The following NOXRED1 variants were observed in gnomAD, a reference collection of about 807,000 sequenced individuals.
NOXRED1 encodes the protein NADP-dependent oxidoreductase domain-containing protein 1.
NOXRED1 carries 20 observed loss-of-function variants against 30.4 expected under a neutral mutation model. The ratio of observed to expected loss-of-function variants is 0.66; its 90% CI spans 0.46 to 0.96. NOXRED1 has a LOEUF of 0.96. Ranked by LOEUF, NOXRED1 falls within the 40% of genes least tolerant of loss-of-function variation. The pLI, the probability that NOXRED1 is intolerant of heterozygous loss-of-function variation, is 0.00. For missense variants in NOXRED1, 374 were observed against 428.0 expected, an observed-to-expected ratio of 0.87 and a Z score of 1.11; for synonymous variants, 155 against 168.0, an observed-to-expected ratio of 0.92 and a Z score of 0.60.
intron 1 of NOXRED1, 146 bp downstream of exon 1, chr14:77,422,589 C>T (rs1021293514): frequency 1.3e-6 from 1 of 770,684 alleles, no homozygotes; most frequent in East Asian, 2.4e-5. Flanking sequence ...TCCTTTTAGA[C>T]CAGGAGTCAT....
At chr14:77,403,650 C>T (rs892443152) in intron 5 of NOXRED1, among the ~76,000 whole-genome samples, 6 of 151,738 alleles carry the variant, frequency 4.0e-5, no homozygotes, top group Non-Finnish European at 5.9e-5. Flanking sequence ...AGAGTAAGAC[C>T]CTCTATCAAA....
chr14:77,398,350 T>C (rs1894239712), intron 5 of NOXRED1, among the ~76,000 whole-genome samples: 1 of 152,218 alleles, frequency 6.6e-6, no homozygotes, highest in African/African-American at 2.4e-5. Context: ...TTTTGAAATA[T>C]GGCAGAGCAT....
rs371769717 is a variant in NOXRED1, at chr14:77,422,788, C to A, written c.102G>T (p.Met34Ile). The A allele has an allele frequency of 4.5e-5, 73 of 1,614,034 alleles. No homozygotes were observed. Among genetic ancestry groups the A allele is most frequent in the Non-Finnish European group, 5.9e-5 (70 of 1,179,996 alleles). Residue 34 changes from methionine to isoleucine, a missense_variant, in exon 1 of 6, where the codon ATG becomes ATT. Transcript: ENST00000380835. ...LYLQGRSRGL[M>I]IEACAHATFF... ...AGGTTGCATGGGCACAAGCCTCGAT[C>A]ATCAGTCCCCGAGAACGGCCCTGCA...
Position 77,409,523 on chromosome 14 carries a change from T to C in NOXRED1, c.350-1878A>G, listed in dbSNP as rs140699905. On this transcript the variant is annotated intron_variant, in intron 2 of 5. Coordinates refer to ENST00000380835, the MANE Select transcript of NOXRED1 (RefSeq NM_001113475.3). ...CCTCTTTTGTTTATAAATTACCCAG[T>C]CTCAGACAGTATCTTTATAGCAGTG... Among the ~76,000 whole-genome samples, 577 of 152,224 alleles carry C rather than the reference T, an allele frequency of 3.8e-3. 3 individuals are homozygous for C. Among genetic ancestry groups the C allele is most frequent in the African/African-American group, 0.013 (551 of 41,536 alleles).
At chr14:77,422,624 A>T (rs920990286) in intron 1 of NOXRED1, 111 bp downstream of exon 1, 5 of 1,042,364 alleles carry the variant, frequency 4.8e-6, no homozygotes, top group Non-Finnish European at 7.4e-6. Flanking sequence ...AAAAGATAGG[A>T]TGACAATCCA....
chr14:77,424,170 C>A (rs577171022), upstream of NOXRED1, among the ~76,000 whole-genome samples: 1 of 152,148 alleles, frequency 6.6e-6, no homozygotes, highest in South Asian at 2.1e-4. Flanking sequence ...CAAAGTCTCA[C>A]CCTGGCGTGG....
intron 1 of NOXRED1, among the ~76,000 whole-genome samples, chr14:77,419,142 G>C (rs58764557): frequency 6.7e-6 from 1 of 149,902 alleles, no homozygotes; most frequent in African/African-American, 2.5e-5. Context: ...TGCAATCTCA[G>C]ATCACTGCAA....
intron 5 of NOXRED1, 97 bp downstream of exon 5, chr14:77,405,816 A>G: frequency 1.4e-6 from 1 of 718,226 alleles, no homozygotes. Flanking sequence ...ATTTTTATCA[A>G]TGTTTAAAGA....
intron 5 of NOXRED1, among the ~76,000 whole-genome samples, chr14:77,403,273 T>A (rs1056340135): frequency 8.5e-5 from 13 of 152,074 alleles, no homozygotes; most frequent in Admixed American, 2.0e-4. Context: ...ATGGAAATTT[T>A]AAAACAAAAT....
intron 5 of NOXRED1, among the ~76,000 whole-genome samples, chr14:77,405,680 A>G (rs559938932): frequency 1.3e-5 from 2 of 152,366 alleles, no homozygotes; most frequent in East Asian, 3.9e-4. Flanking sequence ...ATAACAATAT[A>G]AATGTTTGTA....
rs764559169 is a variant in NOXRED1, at chr14:77,407,613, A to T, written c.382T>A (p.Tyr128Asn). The T allele has an allele frequency of 1.9e-6, 3 of 1,614,144 alleles. No individual in the cohort carries two copies. Among genetic ancestry groups the T allele is most frequent in the South Asian group, 2.2e-5 (2 of 91,088 alleles). ...ELQKLGIKCF[Y>N]HNADLVSWAD... is the part of the protein sequence containing the mutation. ...CAACTCACCAGATCAGCGTTATGGT[A>T]AAAGCATTTGATTCCCAGCTTCTGG... The change falls in exon 3 of 6, where the codon TAC (tyrosine) becomes AAC (asparagine). Residue 128 changes from tyrosine (Y) to asparagine (N), a missense_variant. By Grantham distance (143) the Tyr-to-Asn change is moderately radical. Coordinates refer to ENST00000380835, the MANE Select transcript of NOXRED1 (RefSeq NM_001113475.3).
chr14:77,412,536 A>G (rs939784591), intron 2 of NOXRED1, among the ~76,000 whole-genome samples: 6 of 152,106 alleles, frequency 3.9e-5, no homozygotes, highest in African/African-American at 1.4e-4. Context: ...TAATTGAGAC[A>G]GAGTCTTACT....
At chr14:77,413,323 C>T (rs1199819628) in intron 2 of NOXRED1, among the ~76,000 whole-genome samples, 1 of 150,850 alleles carries the variant, frequency 6.6e-6, no homozygotes, top group African/African-American at 2.4e-5. Context: ...ACTGCAACCT[C>T]TGCCTCCTGG....
intron 5 of NOXRED1, among the ~76,000 whole-genome samples, chr14:77,402,155 G>GA (rs960098529): frequency 5.3e-5 from 8 of 152,086 alleles, no homozygotes; most frequent in Admixed American, 3.3e-4. Flanking sequence ...CATGATCCAT[G>GA]AAAAAAACAA....
chr14:77,401,371 C>CA (rs199750683), intron 5 of NOXRED1, among the ~76,000 whole-genome samples: 2,926 of 141,892 alleles, frequency 0.021, 87 homozygotes, highest in African/African-American at 0.07. Flanking sequence ...GACTCCACCT[C>CA]AAAAAAAAAA....
At position 77,423,204 on chromosome 14, in the gene NOXRED1, G is replaced by T; in HGVS notation, c.-315C>A. On this transcript the variant is annotated 5_prime_UTR_variant, in exon 1 of 6. Transcript: ENST00000380835. ...CACACAGGTTACAGGCACTGTTTTC[G>T]GCAGATGAATTTACAACAGCAATTG... 1 of 266,184 alleles carries T rather than the reference G, an allele frequency of 3.8e-6. No individual in the cohort carries two copies. The highest frequency in any genetic ancestry group is 7.1e-6 in the Non-Finnish European group (1 of 141,030). 16.5% of individuals were successfully genotyped at this position (266,184 alleles called of 1,614,324 possible).
chr14:77,404,196 T>C (rs1333063632), intron 5 of NOXRED1, among the ~76,000 whole-genome samples: 1 of 152,182 alleles, frequency 6.6e-6, no homozygotes, highest in Non-Finnish European at 1.5e-5. Context: ...AAACAAGAGA[T>C]GTTTCCATGA....
chr14:77,413,265 A>C (rs1407022500), intron 2 of NOXRED1, among the ~76,000 whole-genome samples: 1 of 137,868 alleles, frequency 7.3e-6, no homozygotes, highest in Non-Finnish European at 1.5e-5. Context: ...TTTGAGACGG[A>C]GTCTTACTCT....
chr14:77,395,444 A>G (rs952606592), intron 5 of NOXRED1, among the ~76,000 whole-genome samples: 4 of 152,130 alleles, frequency 2.6e-5, no homozygotes, highest in African/African-American at 4.8e-5. Context: ...AACATATATA[A>G]GATCGTGGAC....
Sources: gnomAD v4.1 joint callset for allele counts (sites outside exome capture counted in the v4.1 genomes callset) on GRCh38, gnomAD v4.1.1 for gene constraint, MANE v1.5 for transcripts, NCBI Gene and HGNC (gene_info 2026-07-23, HGNC 2026-07-21) for gene names.